Variants in NUP58 observed in about 807,000 individuals in gnomAD.
The protein encoded by NUP58 is nucleoporin 58.
Under a neutral mutation model 70.1 loss-of-function variants are expected in NUP58, and 17 were observed. The ratio of observed to expected loss-of-function variants is 0.24; its 90% CI spans 0.17 to 0.36. The LOEUF (loss-of-function observed/expected upper bound fraction) is 0.36, where lower values mean the gene tolerates loss of function less well. NUP58 is among the 10% of genes least tolerant of loss of function. The probability of loss-of-function intolerance (pLI) is 1.00; values close to 1 mark genes in which losing one functional copy is unlikely to be tolerated. For synonymous variants in NUP58, 275 were observed against 257.6 expected (o/e 1.07, Z -0.65); for missense variants, 644 against 701.5 (o/e 0.92, Z 0.93).
At chr13:25,309,121 G>C in intron 2 of NUP58, 126 bp from the exon 3 acceptor site, 1 of 703,876 alleles carries the variant, frequency 1.4e-6, no homozygotes. Context: ...ACTATGATAT[G>C]TATTGTTCTA....
intron 9 of NUP58, among the ~76,000 whole-genome samples, chr13:25,324,456 G>T (rs2031312745): frequency 6.6e-6 from 1 of 152,102 alleles, no homozygotes. Flanking sequence ...CGGTCTTCTA[G>T]CAGCATGATA....
chr13:25,346,651 C>T (rs560512339), downstream of NUP58, among the ~76,000 whole-genome samples: 3 of 150,852 alleles, frequency 2.0e-5, no homozygotes, highest in South Asian at 2.1e-4. Flanking sequence ...ACCCAGGAGG[C>T]GGAGGTTGCA....
chr13:25,332,430 G>T, intron 13 of NUP58: 3 of 984,268 alleles, frequency 3.0e-6, no homozygotes, highest in Non-Finnish European at 3.6e-6. Context: ...AATCGATATT[G>T]ATTTTTTTAT....
chr13:25,338,048 ATCT>A (rs1463670423), intron 14 of NUP58, among the ~76,000 whole-genome samples: 2 of 152,146 alleles, frequency 1.3e-5, no homozygotes, highest in Non-Finnish European at 2.9e-5. Flanking sequence ...AAAAACCATG[ATCT>A]TCTCACCACC....
At chr13:25,338,539 T>C (rs1256920456) in intron 14 of NUP58, 97 bp from the exon 15 acceptor site, 8 of 806,954 alleles carry the variant, frequency 9.9e-6, no homozygotes, top group Non-Finnish European at 1.5e-5. Context: ...CAGCACTGTA[T>C]CTGTTAGACC....
intron 13 of NUP58, chr13:25,334,261 T>C (rs965651243): frequency 1.0e-6 from 1 of 985,322 alleles, no homozygotes; most frequent in Middle Eastern, 5.2e-4. Context: ...TACATTAGGC[T>C]TTTCAGTATA....
At chr13:25,332,004 A>G (rs2031624978) in intron 13 of NUP58, 2 of 1,015,508 alleles carry the variant, frequency 2.0e-6, no homozygotes, top group African/African-American at 3.4e-5. Context: ...AAGTACCCAC[A>G]TTCAGGATGA....
intron 1 of NUP58, among the ~76,000 whole-genome samples, chr13:25,307,391 T>C (rs1208052420): frequency 1.3e-5 from 2 of 151,990 alleles, no homozygotes; most frequent in African/African-American, 4.8e-5. Flanking sequence ...AATTTTTGTA[T>C]TTTTGGAAGA....
At chr13:25,313,541 A>G in intron 4 of NUP58, 73 bp from the exon 5 acceptor site, 3 of 1,310,484 alleles carry the variant, frequency 2.3e-6, no homozygotes, top group Non-Finnish European at 3.0e-6. Context: ...TTTTAAAAAC[A>G]TCGTATTTGT....
intron 9 of NUP58, among the ~76,000 whole-genome samples, chr13:25,323,378 TTAAAA>T (rs1280446002): frequency 5.4e-5 from 1 of 18,622 alleles, no homozygotes; most frequent in Non-Finnish European, 1.0e-3. Flanking sequence ...TAAAATTAAA[TTAAAA>T]AAAAAAAGAT....
intron 4 of NUP58, 22 bp downstream of exon 4, chr13:25,313,054 T>G (rs749757802): frequency 6.2e-6 from 10 of 1,606,708 alleles, no homozygotes; most frequent in Non-Finnish European, 8.5e-6. Flanking sequence ...TGAAAAACCG[T>G]TGCATTTAAT....
intron 7 of NUP58, among the ~76,000 whole-genome samples, chr13:25,319,882 G>A (rs1016332986): frequency 6.6e-6 from 1 of 152,028 alleles, no homozygotes; most frequent in African/African-American, 2.4e-5. Flanking sequence ...CAAACATCCT[G>A]TGTATATTTT....
rs2031954179 is a variant in NUP58, at chr13:25,341,488, C to G, written c.*1354C>G. 6.6e-6 allele frequency: 1 copy of G among 152,572 alleles called. No individual in the cohort carries two copies. The highest frequency in any genetic ancestry group is 2.4e-5 in the African/African-American group (1 of 41,444). 9.5% of individuals were successfully genotyped at this position (152,572 alleles called of 1,614,324 possible). On this transcript the variant is annotated 3_prime_UTR_variant, in exon 16 of 16. Coordinates refer to ENST00000381736, the MANE Select transcript of NUP58 (RefSeq NM_014089.4). The stretch of plus-strand genomic sequence containing the variant: ...ACACCAAATGGAGTGGCTTCTCAGC[C>G]TCTTAATGTCTTAAGTAAGTGCTTA...
chr13:25,309,142 T>G, intron 2 of NUP58, 105 bp from the exon 3 acceptor site: 1 of 800,714 alleles, frequency 1.2e-6, no homozygotes, highest in Non-Finnish European at 2.1e-6. Flanking sequence ...ATTAGAAGTG[T>G]TGTCACTCCC....
chr13:25,343,718 A>G (rs1458831051), downstream of NUP58, among the ~76,000 whole-genome samples: 1 of 151,256 alleles, frequency 6.6e-6, no homozygotes, highest in Non-Finnish European at 1.5e-5. Flanking sequence ...CGGCCTCCCA[A>G]AGTGCTGAGA....
intron 3 of NUP58, among the ~76,000 whole-genome samples, chr13:25,312,383 T>G (rs908284623): frequency 7.9e-5 from 12 of 152,210 alleles, no homozygotes; most frequent in African/African-American, 2.9e-4. Context: ...TTTTTATTTT[T>G]TGAGACAGAG....
At chr13:25,310,692 C>T (rs768003332) in intron 3 of NUP58, among the ~76,000 whole-genome samples, 2 of 152,018 alleles carry the variant, frequency 1.3e-5, no homozygotes, top group Non-Finnish European at 2.9e-5. Flanking sequence ...TAACCCCATA[C>T]GTGATTTCAA....
chr13:25,316,372 A>G (rs900244373), intron 6 of NUP58, among the ~76,000 whole-genome samples: 6 of 152,304 alleles, frequency 3.9e-5, no homozygotes, highest in Non-Finnish European at 7.4e-5. Flanking sequence ...ACTAGGGTAT[A>G]TATATACATA....
intron 7 of NUP58, among the ~76,000 whole-genome samples, chr13:25,319,657 C>T (rs2031096596): frequency 6.6e-6 from 1 of 151,932 alleles, no homozygotes; most frequent in African/African-American, 2.4e-5. Context: ...TTGAACAACT[C>T]ATGGAACTTT....
Sources: gnomAD v4.1 joint callset for allele counts (sites outside exome capture counted in the v4.1 genomes callset) on GRCh38, gnomAD v4.1.1 for gene constraint, MANE v1.5 for transcripts, NCBI Gene and HGNC (gene_info 2026-07-23, HGNC 2026-07-21) for gene names.